Variants in NRXN3 observed in about 807,000 individuals in gnomAD.
The protein encoded by NRXN3 is neurexin 3.
In NRXN3, 32 loss-of-function variants were observed where a neutral mutation model predicts 137.6. The ratio of observed to expected loss-of-function variants is 0.23; its 90% CI spans 0.18 to 0.31. The LOEUF (loss-of-function observed/expected upper bound fraction) is 0.31, where lower values mean the gene tolerates loss of function less well. Among genes scored for constraint, NRXN3 ranks in the 10% least tolerant of loss-of-function variants. The probability of loss-of-function intolerance (pLI) is 1.00; values close to 1 mark genes in which losing one functional copy is unlikely to be tolerated. For missense variants in NRXN3, 1,574 were observed against 2,062.5 expected, an observed-to-expected ratio of 0.76 and a Z score of 4.59; for synonymous variants, 798 against 784.5, an observed-to-expected ratio of 1.02 and a Z score of -0.29.
intron 20 of NRXN3, among the ~76,000 whole-genome samples, chr14:79,846,956 C>G (rs1238621415): frequency 1.3e-5 from 2 of 152,180 alleles, no homozygotes; most frequent in Non-Finnish European, 2.9e-5. Flanking sequence ...TGTCTAGTCA[C>G]TTAACCTCAC....
chr14:79,517,896 CTTTTTTTTT>C (rs34241975), intron 16 of NRXN3, among the ~76,000 whole-genome samples: 2 of 73,354 alleles, frequency 2.7e-5, no homozygotes, highest in African/African-American at 6.7e-5. Flanking sequence ...CCTGACTTTC[CTTTTTTTTT>C]TTTTTTTTTT....
chr14:78,961,659 T>G lies in NRXN3; in HGVS notation c.2395+4298T>G, dbSNP rs185918408. ...GCTAACTTCATATCCGTTTTACAGA[T>G]GGGGATCTGAGGCATAGAAAAATTC... On this transcript the variant is annotated intron_variant, in intron 11 of 20. Transcript: ENST00000335750. 1.8e-3 allele frequency among the ~76,000 whole-genome samples: 275 copies of G among 152,274 alleles called. 1 individual carries two copies. The highest frequency in any genetic ancestry group is 6.0e-3 in the African/African-American group (251 of 41,578).
intron 4 of NRXN3, among the ~76,000 whole-genome samples, chr14:78,373,958 G>A (rs982612215): frequency 2.0e-5 from 3 of 152,112 alleles, no homozygotes; most frequent in Admixed American, 1.3e-4. Flanking sequence ...TTTTTATTTT[G>A]TGCTTTAATT....
At chr14:79,406,889 C>T (rs892930097) in intron 15 of NRXN3, among the ~76,000 whole-genome samples, 3 of 152,128 alleles carry the variant, frequency 2.0e-5, no homozygotes, top group African/African-American at 7.2e-5. Context: ...GTAAGATTCA[C>T]CAGTATTACT....
At chr14:79,762,631 T>C (rs2099042509) in intron 19 of NRXN3, among the ~76,000 whole-genome samples, 1 of 151,718 alleles carries the variant, frequency 6.6e-6, no homozygotes, top group African/African-American at 2.4e-5. Flanking sequence ...TATTTTCTTG[T>C]TTGTGAAAGG....
intron 15 of NRXN3, among the ~76,000 whole-genome samples, chr14:79,426,856 C>CTA (rs1821585387): frequency 6.6e-6 from 1 of 152,158 alleles, no homozygotes; most frequent in Non-Finnish European, 1.5e-5. Context: ...TATCCTTACT[C>CTA]TATATTAGTG....
At chr14:79,613,457 T>A (rs1486292572) in intron 16 of NRXN3, among the ~76,000 whole-genome samples, 1 of 152,218 alleles carries the variant, frequency 6.6e-6, no homozygotes, top group Non-Finnish European at 1.5e-5. Flanking sequence ...AAAGTACACT[T>A]CCAGCTCCTC....
Position 79,376,206 on chromosome 14 carries a change from GTGTGTA to G in NRXN3, c.3263-91011_3263-91006del, listed in dbSNP as rs1566949341. Among the ~76,000 whole-genome samples, 29 of 53,882 alleles carry G rather than the reference GTGTGTA, an allele frequency of 5.4e-4. 2 individuals are homozygous for G. Among genetic ancestry groups the G allele is most frequent in the African/African-American group, 2.2e-3 (28 of 12,498 alleles). 35.3% of individuals were successfully genotyped at this position (53,882 alleles called of 152,430 possible). A position where few individuals can be genotyped will look rare whatever the true frequency, so the allele number is the denominator to read the frequency against. The stretch of plus-strand genomic sequence containing the variant: ...TATATATACATGTGGGTGTGTGTGT[GTGTGTA>G]TGTATATATATATATATATATATAT... On this transcript the variant is annotated intron_variant, in intron 15 of 20. Coordinates refer to ENST00000335750, the MANE Select transcript of NRXN3 (RefSeq NM_001330195.2).
At chr14:79,627,466 A>C (rs2098295183) in intron 16 of NRXN3, among the ~76,000 whole-genome samples, 2 of 152,222 alleles carry the variant, frequency 1.3e-5, no homozygotes, top group South Asian at 4.1e-4. Flanking sequence ...CAAAAGAATA[A>C]CAAGAATGAA....
chr14:79,454,803 A>T (rs1169710978), intron 15 of NRXN3, among the ~76,000 whole-genome samples: 3 of 152,186 alleles, frequency 2.0e-5, no homozygotes, highest in Non-Finnish European at 4.4e-5. Flanking sequence ...ACTTAAAAAA[A>T]ATCCTGAGTA....
At chr14:78,248,093 A>G (rs1315544395) in intron 2 of NRXN3, among the ~76,000 whole-genome samples, 1 of 152,210 alleles carries the variant, frequency 6.6e-6, no homozygotes, top group Non-Finnish European at 1.5e-5. Context: ...ACTGACAAAG[A>G]AAAAGTTGAT....
At chr14:79,001,080 G>T (rs1240497368) in intron 15 of NRXN3, among the ~76,000 whole-genome samples, 1 of 152,070 alleles carries the variant, frequency 6.6e-6, no homozygotes, top group Non-Finnish European at 1.5e-5. Flanking sequence ...TTTGATTGTG[G>T]CTCTATTTCC....
chr14:78,629,674 T>C (rs930469732), intron 4 of NRXN3, among the ~76,000 whole-genome samples: 1 of 152,172 alleles, frequency 6.6e-6, no homozygotes, highest in African/African-American at 2.4e-5. Flanking sequence ...ATTCAAACAA[T>C]TGCAAAAGCA....
At chr14:79,764,044 A>G (rs910008976) in intron 19 of NRXN3, among the ~76,000 whole-genome samples, 9 of 152,196 alleles carry the variant, frequency 5.9e-5, no homozygotes, top group African/African-American at 2.2e-4. Flanking sequence ...TAAAGTAAAA[A>G]TTAACTCTTT....
At chr14:79,439,715 TA>T (rs887775691) in intron 15 of NRXN3, among the ~76,000 whole-genome samples, 2 of 152,230 alleles carry the variant, frequency 1.3e-5, no homozygotes, top group Non-Finnish European at 2.9e-5. Context: ...CAAGCCATGT[TA>T]AAATTTTCAA....
At chr14:79,170,612 T>A (rs994796884) in intron 15 of NRXN3, among the ~76,000 whole-genome samples, 2 of 151,470 alleles carry the variant, frequency 1.3e-5, no homozygotes, top group African/African-American at 2.4e-5. Context: ...ACATCTCTAC[T>A]TTTTTTTGTT....
chr14:79,217,911 A>G (rs1282671793), intron 15 of NRXN3, among the ~76,000 whole-genome samples: 3 of 152,340 alleles, frequency 2.0e-5, no homozygotes, highest in Admixed American at 2.0e-4. Context: ...AATTTTATCA[A>G]TAAGATCTAA....
chr14:78,385,670 G>C (rs563236704), intron 4 of NRXN3, among the ~76,000 whole-genome samples: 2 of 152,174 alleles, frequency 1.3e-5, no homozygotes, highest in Non-Finnish European at 2.9e-5. Flanking sequence ...TCACTATTTT[G>C]GATGACGTTT....
chr14:79,101,559 A>G (rs1419842042), intron 15 of NRXN3, among the ~76,000 whole-genome samples: 1 of 152,106 alleles, frequency 6.6e-6, no homozygotes, highest in East Asian at 1.9e-4. Context: ...CTCCCACTCC[A>G]GGTGTGTTCA....
Sources: gnomAD v4.1 joint callset for allele counts (sites outside exome capture counted in the v4.1 genomes callset) on GRCh38, gnomAD v4.1.1 for gene constraint, MANE v1.5 for transcripts, NCBI Gene and HGNC (gene_info 2026-07-23, HGNC 2026-07-21) for gene names.